Variants in TRPC7 observed in about 807,000 individuals in gnomAD.
The protein encoded by TRPC7 is transient receptor potential cation channel subfamily C member 7, also known as short transient receptor potential channel 7.
TRPC7 carries 42 observed loss-of-function variants against 90.1 expected under a neutral mutation model. The observed-to-expected ratio is 0.47, with a 90% CI of 0.36 to 0.60. TRPC7 has a LOEUF of 0.60. Among genes scored for constraint, TRPC7 ranks in the 20% least tolerant of loss-of-function variants. The probability of loss-of-function intolerance (pLI) is 0.00; values close to 1 mark genes in which losing one functional copy is unlikely to be tolerated. For synonymous variants in TRPC7, 451 were observed against 436.3 expected (o/e 1.03, Z -0.42); for missense variants, 955 against 1,112.3 (o/e 0.86, Z 2.01).
chr5:136,225,266 G>T lies in TRPC7; in HGVS notation c.2343+8C>A. ...CCATGCTTGGATGCTTGGGAAAGGG[G>T]TGGTTACCTGGTATCTGGTGGGCTT... On this transcript the variant is annotated splice_region_variant and intron_variant, in intron 10 of 11. Coordinates refer to ENST00000513104, the MANE Select transcript of TRPC7 (RefSeq NM_020389.3). The T allele has an allele frequency of 6.2e-7, 1 of 1,612,310 alleles. No homozygotes were observed. The highest frequency in any genetic ancestry group is 8.5e-7 in the Non-Finnish European group (1 of 1,179,244).
intron 3 of TRPC7, among the ~76,000 whole-genome samples, chr5:136,281,287 C>A (rs1757544135): frequency 6.6e-6 from 1 of 152,198 alleles, no homozygotes; most frequent in African/African-American, 2.4e-5. Context: ...GCTCTGTCTT[C>A]TACATATAGA....
At chr5:136,229,301 C>CA (rs755322963) in intron 8 of TRPC7, among the ~76,000 whole-genome samples, 38 of 152,314 alleles carry the variant, frequency 2.5e-4, no homozygotes, top group Admixed American at 5.2e-4. Flanking sequence ...TTTCCTCGCT[C>CA]AATCTATGCT....
At chr5:136,267,413 A>T (rs1757069540) in intron 4 of TRPC7, among the ~76,000 whole-genome samples, 1 of 152,216 alleles carries the variant, frequency 6.6e-6, no homozygotes, top group Non-Finnish European at 1.5e-5. Flanking sequence ...ATCTTTTCTG[A>T]AGCTCAGTTC....
intron 7 of TRPC7, among the ~76,000 whole-genome samples, chr5:136,234,824 A>G (rs17169980): frequency 0.022 from 3,275 of 152,292 alleles, 133 homozygotes; most frequent in African/African-American, 0.075. Context: ...GACTAACTGA[A>G]TAGACTAATT....
intron 2 of TRPC7, among the ~76,000 whole-genome samples, chr5:136,323,143 G>A (rs921114553): frequency 6.6e-6 from 1 of 152,214 alleles, no homozygotes; most frequent in Admixed American, 6.5e-5. Context: ...TACAAGAGCT[G>A]ATGATTTTGT....
rs761941776 is a variant in TRPC7 at position 136,251,932 on chromosome 5, T to A, written c.1346-50A>T. The A allele has an allele frequency of 4.1e-6, 6 of 1,473,164 alleles. No individual in the cohort carries two copies. In the African/African-American group the frequency reaches 6.9e-5, roughly 17 times the overall value. 91.3% of individuals were successfully genotyped at this position (1,473,164 alleles called of 1,614,324 possible). A position where few individuals can be genotyped will look rare whatever the true frequency, so the allele number is the denominator to read the frequency against. On this transcript the variant is annotated intron_variant, in intron 5 of 11. Coordinates refer to ENST00000513104, the MANE Select transcript of TRPC7 (RefSeq NM_020389.3). ...CTCACTTTTCGTTTCTCTTGGCATT[T>A]GTGACCGCATGAGGTCATGGAGGGA...
At chr5:136,269,351 G>A (rs1415745070) in intron 4 of TRPC7, among the ~76,000 whole-genome samples, 11 of 152,200 alleles carry the variant, frequency 7.2e-5, no homozygotes. Context: ...TTGGCTCCAA[G>A]AAAATTGCCT....
chr5:136,354,481 C>T (rs1760299667), intron 2 of TRPC7, among the ~76,000 whole-genome samples: 1 of 152,132 alleles, frequency 6.6e-6, no homozygotes, highest in Non-Finnish European at 1.5e-5. Context: ...TCCTGTTGGC[C>T]TGGCCTTTCT....
Position 136,247,349 on chromosome 5 carries a change from G to A in TRPC7, c.1844+122C>T. ...CTCTAAACCACCCTTGAATAAAGTT[G>A]CCTTTAACCTTGAGAGATAGCAAGG... is the stretch of plus-strand genomic sequence containing the variant. On this transcript the variant is annotated intron_variant, in intron 7 of 11. Transcript: ENST00000513104. The surrounding 1 kb of genome is among the most constrained non-coding windows in gnomAD (Gnocchi z 4.2). 2.8e-6 allele frequency: 3 copies of A among 1,084,288 alleles called. No homozygotes were observed. In the South Asian group the frequency reaches 5.3e-5, roughly 19 times the overall value. 67.2% of individuals were successfully genotyped at this position (1,084,288 alleles called of 1,614,324 possible). A position where few individuals can be genotyped will look rare whatever the true frequency, so the allele number is the denominator to read the frequency against.
chr5:136,363,371 G>A (rs1316601075), intron 1 of TRPC7, among the ~76,000 whole-genome samples: 1 of 152,022 alleles, frequency 6.6e-6, no homozygotes, highest in Admixed American at 6.6e-5. Flanking sequence ...GATATTATTA[G>A]CTCTATTTAA....
At position 136,247,698 on chromosome 5, in the gene TRPC7, T is replaced by A; in HGVS notation, c.1617A>T (p.Ile539=). The A allele has an allele frequency of 1.2e-6, 2 of 1,613,926 alleles. No individual in the cohort carries two copies. Among genetic ancestry groups the A allele is most frequent in the East Asian group, 2.2e-5 (1 of 44,874 alleles). The change falls in exon 7 of 12, where the codon ATA becomes ATT. Residue 539 remains isoleucine (I), a synonymous_variant. Transcript: ENST00000513104. This position sits in a 1 kb window ranked among gnomAD's most constrained non-coding sequence, Gnocchi z 4.2. Reference sequence around the variant, plus strand: ...CGGCTATCGCGTAGAGCCCTTCCGATATGATCTGAGGGTCTGAAGGCCACC... The same window carrying A: ...CGGCTATCGCGTAGAGCCCTTCCGAAATGATCTGAGGGTCTGAAGGCCACC... The part of the protein sequence containing the change: ...DKWWPSDPQI[I]SEGLYAIAVV...
At chr5:136,249,723 T>C (rs1756459099) in intron 6 of TRPC7, among the ~76,000 whole-genome samples, 1 of 152,228 alleles carries the variant, frequency 6.6e-6, no homozygotes, top group South Asian at 2.1e-4. Context: ...TGAACAGCAC[T>C]GTGATGATTT....
intron 3 of TRPC7, among the ~76,000 whole-genome samples, chr5:136,300,452 C>A (rs1299720201): frequency 2.6e-5 from 4 of 152,238 alleles, no homozygotes; most frequent in African/African-American, 9.6e-5. Context: ...CAGGGCCACA[C>A]TGGAAGCTAC....
At chr5:136,337,834 G>A (rs1276497539) in intron 2 of TRPC7, among the ~76,000 whole-genome samples, 2 of 152,148 alleles carry the variant, frequency 1.3e-5, no homozygotes, top group Admixed American at 1.3e-4. Context: ...TCCGAAATGA[G>A]ATGGAAAAAG....
At position 136,251,727 on chromosome 5, in the gene TRPC7, G is replaced by C. The variant is rs1382779360; in HGVS notation, c.1501C>G (p.Leu501Val). Reference protein sequence around the residue: ...MAFLKATEAQLYVDQHVQDDT... With the variant: ...MAFLKATEAQVYVDQHVQDDT... ...TCCTGCACGTGCTGGTCCACGTACA[G>C]CTGTGCCTCCGTGGCCTTCAGGAAG... The change falls in exon 6 of 12, where the codon CTG (leucine) becomes GTG (valine). Residue 501 changes from leucine to valine, a missense_variant. This residue lies in a region of TRPC7 where 484 missense variants were observed against 509.6 expected (regional missense o/e 0.95). Transcript: ENST00000513104. The C allele has an allele frequency of 1.2e-6, 2 of 1,613,838 alleles. No individual in the cohort carries two copies. Among genetic ancestry groups the C allele is most frequent in the East Asian group, 2.2e-5 (1 of 44,874 alleles).
chr5:136,294,401 G>T (rs1328892132), intron 3 of TRPC7, among the ~76,000 whole-genome samples: 1 of 151,842 alleles, frequency 6.6e-6, no homozygotes, highest in Non-Finnish European at 1.5e-5. Flanking sequence ...CTGACAAATG[G>T]TTAATATCCA....
At chr5:136,284,850 C>T (rs1757658976) in intron 3 of TRPC7, among the ~76,000 whole-genome samples, 1 of 152,142 alleles carries the variant, frequency 6.6e-6, no homozygotes, top group African/African-American at 2.4e-5. Flanking sequence ...CATTTGGGCT[C>T]CAGAGTTAGT....
intron 10 of TRPC7, among the ~76,000 whole-genome samples, chr5:136,217,914 G>A (rs981254932): frequency 4.6e-5 from 7 of 151,234 alleles, no homozygotes; most frequent in African/African-American, 1.7e-4. Context: ...CTACTCGTGA[G>A]GCTGAGGCAG....
chr5:136,349,885 C>T lies in TRPC7; in HGVS notation c.780+6723G>A, dbSNP rs1306894781. 2.0e-5 allele frequency among the ~76,000 whole-genome samples: 3 copies of T among 152,284 alleles called. No homozygotes were observed. In the East Asian group the frequency reaches 5.8e-4, roughly 29 times the overall value. ...CCCATGAGATTATAATGGAGCTGCC[C>T]TATACAGGTATATCATTAAAAATTT... On this transcript the variant is annotated intron_variant, in intron 2 of 11. Transcript: ENST00000513104.
Sources: allele counts gnomAD v4.1 joint callset (sites outside exome capture counted in the v4.1 genomes callset), GRCh38; gene constraint gnomAD v4.1.1; regional missense constraint gnomAD v4.1.1; non-coding constraint Gnocchi (gnomAD v3.1); transcripts MANE v1.5; gene names NCBI Gene and HGNC (gene_info 2026-07-23, HGNC 2026-07-21).